The following ANAPC4 variants were observed in gnomAD, a reference collection of about 807,000 sequenced individuals.
ANAPC4 encodes anaphase promoting complex subunit 4, also known as anaphase-promoting complex subunit 4.
Under a neutral mutation model 119.8 loss-of-function variants are expected in ANAPC4, and 63 were observed. That is an observed-to-expected ratio of 0.53 (90% CI 0.43 to 0.65). ANAPC4 has a LOEUF of 0.65. Among genes scored for constraint, ANAPC4 ranks in the 30% least tolerant of loss-of-function variants. The probability of loss-of-function intolerance (pLI) is 0.00; values close to 1 mark genes in which losing one functional copy is unlikely to be tolerated. For synonymous variants in ANAPC4, 283 were observed against 318.6 expected, an observed-to-expected ratio of 0.89 and a Z score of 1.19; for missense variants, 716 against 945.1, an observed-to-expected ratio of 0.76 and a Z score of 3.18.
At chr4:25,404,371 A>G (rs917646988) in intron 17 of ANAPC4, among the ~76,000 whole-genome samples, 17 of 152,094 alleles carry the variant, frequency 1.1e-4, no homozygotes, top group African/African-American at 4.1e-4. Flanking sequence ...ACCTTAGAAG[A>G]CTTTTTTTTT....
chr4:25,378,127 G>C (rs1057371920), intron 2 of ANAPC4, among the ~76,000 whole-genome samples: 1 of 152,342 alleles, frequency 6.6e-6, no homozygotes, highest in East Asian at 1.9e-4. Flanking sequence ...AGGAAGGCAT[G>C]CATTGGATTC....
chr4:25,407,378 C>A, intron 20 of ANAPC4, 125 bp downstream of exon 20: 1 of 643,864 alleles, frequency 1.6e-6, no homozygotes, highest in Non-Finnish European at 2.4e-6. Context: ...TAACAAAGAG[C>A]AGCAGTTTTT....
intron 17 of ANAPC4, among the ~76,000 whole-genome samples, chr4:25,404,535 A>G (rs1426996984): frequency 6.6e-6 from 1 of 152,148 alleles, no homozygotes; most frequent in Non-Finnish European, 1.5e-5. Flanking sequence ...TCCTTACTAC[A>G]TATCCTAACT....
At chr4:25,397,453 C>A (rs1722721145) in intron 16 of ANAPC4, among the ~76,000 whole-genome samples, 1 of 152,204 alleles carries the variant, frequency 6.6e-6, no homozygotes, top group Non-Finnish European at 1.5e-5. Flanking sequence ...TTCTTCATTA[C>A]TCTCCTGGGT....
chr4:25,397,160 T>A (rs932469302), intron 16 of ANAPC4, among the ~76,000 whole-genome samples: 6 of 152,252 alleles, frequency 3.9e-5, no homozygotes, highest in Non-Finnish European at 8.8e-5. Flanking sequence ...TATTTTTAGT[T>A]CTTCTATGGG....
At chr4:25,399,938 A>G (rs1311139569) in intron 16 of ANAPC4, among the ~76,000 whole-genome samples, 4 of 152,212 alleles carry the variant, frequency 2.6e-5, no homozygotes, top group African/African-American at 7.2e-5. Flanking sequence ...TGAAGAAGGC[A>G]TTACAAGAAG....
At chr4:25,413,340 A>G (rs1723682503) in intron 21 of ANAPC4, 1 of 240,590 alleles carries the variant, frequency 4.2e-6, no homozygotes, top group African/African-American at 2.3e-5. Flanking sequence ...ATTTCATCAT[A>G]TATTTGATGG....
Position 25,390,121 on chromosome 4 carries a change from A to G in ANAPC4, c.516-15A>G, listed in dbSNP as rs1370474868. The G allele has an allele frequency of 3.8e-6, 6 of 1,581,672 alleles. No individual in the cohort carries two copies. Among genetic ancestry groups the G allele is most frequent in the East Asian group, 2.2e-5 (1 of 44,500 alleles). On this transcript the variant is annotated splice_polypyrimidine_tract_variant and intron_variant, in intron 7 of 28. Coordinates refer to ENST00000315368, the MANE Select transcript of ANAPC4 (RefSeq NM_013367.3). ...TGTTGATTGGTTCTCAGCTTGTTGC[A>G]TTGTTTTTAATTAGGCTTAATATTC... is the stretch of plus-strand genomic sequence containing the variant.
chr4:25,395,005 G>A, intron 14 of ANAPC4, 100 bp downstream of exon 14: 1 of 864,428 alleles, frequency 1.2e-6, no homozygotes. Context: ...CTCTTTTTAA[G>A]CCTTTTCTAG....
At chr4:25,386,922 C>G (rs951996103) in intron 4 of ANAPC4, among the ~76,000 whole-genome samples, 1 of 152,100 alleles carries the variant, frequency 6.6e-6, no homozygotes, top group Admixed American at 6.5e-5. Flanking sequence ...AAACAAAGCT[C>G]TAGACGAGAT....
At chr4:25,391,864 A>T (rs1459448710) in intron 9 of ANAPC4, among the ~76,000 whole-genome samples, 1 of 152,238 alleles carries the variant, frequency 6.6e-6, no homozygotes, top group Admixed American at 6.5e-5. Flanking sequence ...TCTTAAGGTT[A>T]TGTGAAACTA....
chr4:25,413,852 TAGTCA>T, intron 22 of ANAPC4, 110 bp downstream of exon 22: 1 of 862,080 alleles, frequency 1.2e-6, no homozygotes, highest in South Asian at 1.9e-5. Flanking sequence ...AAAATGTTGA[TAGTCA>T]ACTGTTTTTG....
Position 25,377,493 on chromosome 4 carries a change from G to A in ANAPC4, c.66G>A (p.Glu22=). ...RVVGEKQLPQ[E]IIFLVWSPKR... ...TGGGAGAGAAGCAGCTCCCGCAGGA[G>A]ATTATTTTCCTGGTCTGGTCGCCCA... Residue 22 remains glutamate (E), a synonymous_variant, in exon 2 of 29, where the codon GAG becomes GAA. Coordinates refer to ENST00000315368, the MANE Select transcript of ANAPC4 (RefSeq NM_013367.3). 6.2e-7 allele frequency: 1 copy of A among 1,614,056 alleles called. No individual in the cohort carries two copies. The highest frequency in any genetic ancestry group is 1.1e-5 in the South Asian group (1 of 91,076).
chr4:25,396,267 T>G (rs1221430652), intron 14 of ANAPC4, among the ~76,000 whole-genome samples: 1 of 152,212 alleles, frequency 6.6e-6, no homozygotes, highest in Non-Finnish European at 1.5e-5. Context: ...GTCAATGCCA[T>G]GAGACCCTTT....
intron 21 of ANAPC4, among the ~76,000 whole-genome samples, chr4:25,410,002 G>C (rs974097429): frequency 6.6e-6 from 1 of 152,224 alleles, no homozygotes; most frequent in Admixed American, 6.5e-5. Flanking sequence ...TAACTACGCT[G>C]TAGGAAGATT....
At chr4:25,401,112 A>G (rs970401193) in intron 16 of ANAPC4, among the ~76,000 whole-genome samples, 3 of 152,138 alleles carry the variant, frequency 2.0e-5, no homozygotes, top group East Asian at 3.8e-4. Flanking sequence ...TGGATGTGAC[A>G]TCTCACATCT....
At chr4:25,379,492 A>G (rs1721598885) in intron 2 of ANAPC4, among the ~76,000 whole-genome samples, 1 of 152,222 alleles carries the variant, frequency 6.6e-6, no homozygotes, top group East Asian at 1.9e-4. Flanking sequence ...TTCATCTCCT[A>G]GCCCAAAAGC....
chr4:25,378,093 C>T (rs1721509283), intron 2 of ANAPC4, among the ~76,000 whole-genome samples: 2 of 152,220 alleles, frequency 1.3e-5, no homozygotes. Flanking sequence ...CCACCCTCCA[C>T]TAAAAATACC....
intron 21 of ANAPC4, among the ~76,000 whole-genome samples, chr4:25,410,262 A>C (rs1723490732): frequency 6.6e-6 from 1 of 152,194 alleles, no homozygotes; most frequent in African/African-American, 2.4e-5. Context: ...GCTATCCAGC[A>C]TTATTAGGGA....
Sources: allele counts gnomAD v4.1 joint callset (sites outside exome capture counted in the v4.1 genomes callset), GRCh38; gene constraint gnomAD v4.1.1; transcripts MANE v1.5; gene names NCBI Gene and HGNC (gene_info 2026-07-23, HGNC 2026-07-21).